NOX4: variants seen among roughly 807,000 people sequenced by gnomAD.
NOX4 encodes the protein NADPH oxidase 4.
In NOX4, 69 loss-of-function variants were observed where a neutral mutation model predicts 87.6. That is an observed-to-expected ratio of 0.79 (90% confidence interval 0.65 to 0.96). The LOEUF (loss-of-function observed/expected upper bound fraction) is 0.96. Among genes scored for constraint, NOX4 ranks in the 40% least tolerant of loss-of-function variants. The pLI, the probability that NOX4 is intolerant of heterozygous loss-of-function variation, is 0.00. For missense variants in NOX4, 680 were observed against 681.5 expected (o/e 1.00, Z 0.02); for synonymous variants, 275 against 238.2 (o/e 1.15, Z -1.42).
intron 8 of NOX4, among the ~76,000 whole-genome samples, chr11:89,414,889 G>A (rs1048288604): frequency 6.6e-6 from 1 of 151,638 alleles, no homozygotes; most frequent in Non-Finnish European, 1.5e-5. Context: ...TGGACGAATA[G>A]AAAAATATAT....
chr11:89,410,786 G>C (rs958651253), intron 8 of NOX4, among the ~76,000 whole-genome samples: 3 of 152,178 alleles, frequency 2.0e-5, no homozygotes, highest in African/African-American at 7.2e-5. Flanking sequence ...AACTTGAAAG[G>C]CAGTCTAGGT....
chr11:89,386,385 G>C (rs1205705393), intron 11 of NOX4, among the ~76,000 whole-genome samples: 2 of 152,184 alleles, frequency 1.3e-5, no homozygotes, highest in Non-Finnish European at 2.9e-5. Flanking sequence ...ATATCTCCTG[G>C]TTTTACCTCA....
chr11:89,470,686 C>T (rs893499702), intron 2 of NOX4, among the ~76,000 whole-genome samples: 4 of 152,158 alleles, frequency 2.6e-5, no homozygotes, highest in Non-Finnish European at 4.4e-5. Flanking sequence ...GCCACTATAG[C>T]TTTTCTATGA....
At chr11:89,434,874 AG>A (rs1943998920) in intron 6 of NOX4, among the ~76,000 whole-genome samples, 1 of 152,090 alleles carries the variant, frequency 6.6e-6, no homozygotes, top group Admixed American at 6.6e-5. Context: ...GTCCTGAAAA[AG>A]TACAAATTCT....
chr11:89,524,725 T>C, the NOX4 span, among the ~76,000 whole-genome samples: 1 of 152,122 alleles, frequency 6.6e-6, no homozygotes, highest in Non-Finnish European at 1.5e-5. Context: ...TGTGTATTCA[T>C]TGCATGTACA....
At chr11:89,435,441 C>T (rs977645466) in intron 6 of NOX4, among the ~76,000 whole-genome samples, 4 of 152,000 alleles carry the variant, frequency 2.6e-5, no homozygotes, top group African/African-American at 9.7e-5. Context: ...CCACAATTTC[C>T]AAAGTGTATT....
intron 8 of NOX4, among the ~76,000 whole-genome samples, chr11:89,421,626 A>G (rs539024837): frequency 5.3e-5 from 8 of 152,316 alleles, no homozygotes; most frequent in African/African-American, 1.9e-4. Context: ...AGAAGATATT[A>G]GGATATATCC....
intron 8 of NOX4, among the ~76,000 whole-genome samples, chr11:89,409,876 AC>A (rs1045833121): frequency 2.0e-5 from 3 of 152,042 alleles, no homozygotes; most frequent in African/African-American, 7.2e-5. Context: ...AATATTTTTC[AC>A]CCCATATATT....
At chr11:89,451,516 GA>G (rs2135388203) in intron 3 of NOX4, among the ~76,000 whole-genome samples, 1 of 152,286 alleles carries the variant, frequency 6.6e-6, no homozygotes, top group South Asian at 2.1e-4. Context: ...CCTGATTGTA[GA>G]ATCCCTGTAA....
chr11:89,490,337 A>C, intron 2 of NOX4, 121 bp downstream of exon 2: 1 of 699,084 alleles, frequency 1.4e-6, no homozygotes, highest in Non-Finnish European at 2.5e-6. Context: ...TTTAGAGAAC[A>C]ACAAAGGTTT....
At chr11:89,522,303 A>G in the NOX4 span, among the ~76,000 whole-genome samples, 1 of 152,216 alleles carries the variant, frequency 6.6e-6, no homozygotes, top group East Asian at 1.9e-4. Flanking sequence ...AAAATGTGAC[A>G]CAGATACACC....
At chr11:89,555,438 T>C in the NOX4 span, among the ~76,000 whole-genome samples, 4 of 152,098 alleles carry the variant, frequency 2.6e-5, no homozygotes, top group African/African-American at 7.2e-5. Flanking sequence ...TGAACCATGA[T>C]TGCACCACTA....
chr11:89,465,642 T>C (rs549352303), intron 2 of NOX4, among the ~76,000 whole-genome samples: 2 of 152,282 alleles, frequency 1.3e-5, no homozygotes, highest in East Asian at 1.9e-4. Flanking sequence ...CCAGCATCTG[T>C]TGTTTCCTGA....
chr11:89,535,509 G>C, the NOX4 span, among the ~76,000 whole-genome samples: 1 of 152,314 alleles, frequency 6.6e-6, no homozygotes, highest in South Asian at 2.1e-4. Context: ...AAGAACGCCA[G>C]ATGTTGTAGC....
At chr11:89,561,050 C>CATATATATATATATATATATATAT in the NOX4 span, among the ~76,000 whole-genome samples, 4 of 28,548 alleles carry the variant, frequency 1.4e-4, no homozygotes, top group Non-Finnish European at 2.4e-4. Flanking sequence ...ATATATCATA[C>CATATATATATATATATATATATAT]ATATATATAT....
chr11:89,393,413 CT>C (rs979121033), intron 11 of NOX4, among the ~76,000 whole-genome samples: 1 of 151,682 alleles, frequency 6.6e-6, no homozygotes, highest in Non-Finnish European at 1.5e-5. Context: ...TTTCCTAAAA[CT>C]TTCTGCCTAT....
the NOX4 span, among the ~76,000 whole-genome samples, chr11:89,562,314 C>T: frequency 6.6e-6 from 1 of 151,990 alleles, no homozygotes; most frequent in Non-Finnish European, 1.5e-5. Flanking sequence ...AAAAAAGGAG[C>T]CTTAAGAAAA....
chr11:89,404,375 T>G (rs1239292546), intron 8 of NOX4, among the ~76,000 whole-genome samples: 1 of 152,136 alleles, frequency 6.6e-6, no homozygotes, highest in Non-Finnish European at 1.5e-5. Flanking sequence ...CAATGGTTCT[T>G]CAGACTTCAA....
chr11:89,395,892 T>C (rs1037751465), intron 11 of NOX4, among the ~76,000 whole-genome samples: 3 of 152,130 alleles, frequency 2.0e-5, no homozygotes, highest in East Asian at 3.9e-4. Context: ...TACCATGCTG[T>C]TTTGGTTACT....
Sources: gnomAD v4.1 joint callset for allele counts (sites outside exome capture counted in the v4.1 genomes callset) on GRCh38, gnomAD v4.1.1 for gene constraint, MANE v1.5 for transcripts, NCBI Gene and HGNC (gene_info 2026-07-23, HGNC 2026-07-21) for gene names.